The following STRIP1 variants were observed in gnomAD, a reference collection of about 807,000 sequenced individuals.
STRIP1 encodes the protein striatin-interacting protein 1.
STRIP1 carries 63 observed loss-of-function variants against 106.2 expected under a neutral mutation model. The observed-to-expected ratio is 0.59, with a 90% confidence interval of 0.48 to 0.73. STRIP1 has a LOEUF of 0.73. STRIP1 is among the 30% of genes least tolerant of loss of function. The pLI, the probability that STRIP1 is intolerant of heterozygous loss-of-function variation, is 0.00. For missense variants in STRIP1, 857 were observed against 1,074.8 expected, an observed-to-expected ratio of 0.80 and a Z score of 2.83; for synonymous variants, 390 against 413.0, an observed-to-expected ratio of 0.94 and a Z score of 0.67.
Position 110,044,830 on chromosome 1 carries a change from G to A in STRIP1, c.1287-10G>A. The A allele has an allele frequency of 1.2e-6, 2 of 1,612,732 alleles. No individual in the cohort carries two copies. The highest frequency in any genetic ancestry group is 1.1e-5 in the South Asian group (1 of 90,924). On this transcript the variant is annotated splice_polypyrimidine_tract_variant and intron_variant, in intron 10 of 20. Coordinates refer to ENST00000369795, the MANE Select transcript of STRIP1 (RefSeq NM_033088.4). ...CTTTTTTCTTTCTCTCTTTTTTGGTGATGTGGCAGAGAGAAAGACATTGAG... is the reference window on the plus strand; with the variant it reads ...CTTTTTTCTTTCTCTCTTTTTTGGTAATGTGGCAGAGAGAAAGACATTGAG...
upstream of STRIP1, chr1:110,034,526 A>G (rs1386012916): frequency 5.3e-6 from 7 of 1,317,552 alleles, no homozygotes; most frequent in Non-Finnish European, 2.0e-6. Context: ...GGCTTCTAAC[A>G]CTGGCCGCCA....
intron 12 of STRIP1, chr1:110,045,281 C>G (rs913954441): frequency 3.5e-6 from 2 of 563,594 alleles, no homozygotes; most frequent in African/African-American, 3.8e-5. Context: ...TTTAGCTGAG[C>G]TTTTGTTTGG....
At chr1:110,047,492 A>G (rs760171545) in intron 13 of STRIP1, 50 bp from the exon 14 acceptor site, 2 of 1,479,898 alleles carry the variant, frequency 1.4e-6, no homozygotes, top group South Asian at 1.2e-5. Context: ...CTGGCTCAGG[A>G]GATTGTATTC....
chr1:110,047,213 C>G (rs2101780147), intron 13 of STRIP1, among the ~76,000 whole-genome samples: 1 of 152,328 alleles, frequency 6.6e-6, no homozygotes, highest in Admixed American at 6.5e-5. Context: ...GTTAAGAATA[C>G]AGACTGAGTC....
At chr1:110,036,234 C>T (rs977491082) in intron 1 of STRIP1, among the ~76,000 whole-genome samples, 1 of 152,206 alleles carries the variant, frequency 6.6e-6, no homozygotes, top group Non-Finnish European at 1.5e-5. Context: ...GGGCGGATCA[C>T]CTGAGGTCAG....
intron 15 of STRIP1, 30 bp from the exon 16 acceptor site, chr1:110,049,082 G>T (rs188739686): frequency 1.2e-6 from 2 of 1,613,940 alleles, no homozygotes; most frequent in East Asian, 2.2e-5. Context: ...TGCGCATGCT[G>T]GTGGCTTACC....
chr1:110,036,102 A>G lies in STRIP1; in HGVS notation c.180+1285A>G, dbSNP rs1186529319. On this transcript the variant is annotated intron_variant, in intron 1 of 20. Transcript: ENST00000369795. ...TGGTTTAAAATTTTCCAGAGTAGCT[A>G]CGAATGGTCAAATAGATACCCTCTG... Among the ~76,000 whole-genome samples, 6 of 152,352 alleles carry G rather than the reference A, an allele frequency of 3.9e-5. No individual in the cohort carries two copies. The East Asian group carries it at 1.2e-3, about 29-fold the overall frequency.
Position 110,034,721 on chromosome 1 carries a change from C to A in STRIP1, c.84C>A (p.Ala28=). The A allele has an allele frequency of 6.6e-7, 1 of 1,507,154 alleles. No homozygotes were observed. Among genetic ancestry groups the A allele is most frequent in the Non-Finnish European group, 8.8e-7 (1 of 1,130,282 alleles). 93.4% of individuals were successfully genotyped at this position (1,507,154 alleles called of 1,614,324 possible). A position where few individuals can be genotyped will look rare whatever the true frequency, so the allele number is the denominator to read the frequency against. The change falls in exon 1 of 21, where the codon GCC becomes GCA. Residue 28 remains alanine, a synonymous_variant. Coordinates refer to ENST00000369795, the MANE Select transcript of STRIP1 (RefSeq NM_033088.4). ...PQPPPPPPPA[A]AQPPPGAPRA... is the part of the protein sequence containing the mutation. The stretch of plus-strand genomic sequence containing the variant: ...CCCCGCCACCTCCGCCGCCGGCAGC[C>A]GCACAGCCACCACCCGGGGCACCGC...
At chr1:110,049,692 A>AAATGAG (rs1351242207) in intron 17 of STRIP1, 132 bp downstream of exon 17, 18 of 642,294 alleles carry the variant, frequency 2.8e-5, no homozygotes, top group Middle Eastern at 3.7e-4. Context: ...ACATAAAGAT[A>AAATGAG]AATGAGACAT....
chr1:110,043,623 C>G lies in STRIP1; in HGVS notation c.1069-16C>G, dbSNP rs370219565. The G allele has an allele frequency of 1.2e-6, 2 of 1,610,032 alleles. No homozygotes were observed. Among genetic ancestry groups the G allele is most frequent in the African/African-American group, 2.7e-5 (2 of 74,888 alleles). On this transcript the variant is annotated splice_polypyrimidine_tract_variant and intron_variant, in intron 9 of 20. Transcript: ENST00000369795. The stretch of plus-strand genomic sequence containing the variant: ...CCTCAGTTGGCTCTTGTCTCATCTC[C>G]CTTCCCTGGTTTCAGGCTCTGATAA...
chr1:110,044,796 G>C (rs1652937047), intron 10 of STRIP1, 44 bp from the exon 11 acceptor site: 1 of 1,598,910 alleles, frequency 6.3e-7, no homozygotes, highest in African/African-American at 1.3e-5. Context: ...AATAGCATTT[G>C]CTAAAAACCT....
chr1:110,041,457 T>C, intron 6 of STRIP1, 79 bp from the exon 7 acceptor site: 1 of 956,542 alleles, frequency 1.0e-6, no homozygotes. Context: ...CCCTGCTTTG[T>C]GTAAGCACTT....
intron 9 of STRIP1, among the ~76,000 whole-genome samples, 169 bp from the exon 10 acceptor site, chr1:110,043,470 C>T (rs935043522): frequency 2.6e-5 from 4 of 152,228 alleles, no homozygotes; most frequent in African/African-American, 9.6e-5. Context: ...TTTTGAGGGA[C>T]TGGAGCAAGA....
intron 4 of STRIP1, 39 bp downstream of exon 4, chr1:110,039,345 G>A: frequency 6.2e-7 from 1 of 1,613,930 alleles, no homozygotes; most frequent in Non-Finnish European, 8.5e-7. Context: ...TGGCACCTCT[G>A]CCCACTCAGA....
At chr1:110,038,111 T>TATATATATATATATATATATATATATAC (rs1412174294) in intron 2 of STRIP1, 151 bp downstream of exon 2, 1 of 148,304 alleles carries the variant, frequency 6.7e-6, no homozygotes, top group African/African-American at 2.9e-5. Context: ...TATATATATA[T>TATATATATATATATATATATATATATAC]ATGTATAAAA....
intron 2 of STRIP1, 107 bp downstream of exon 2, chr1:110,038,067 A>G: frequency 4.3e-6 from 1 of 232,174 alleles, no homozygotes; most frequent in Non-Finnish European, 7.7e-6. Context: ...CCCTAGTTCT[A>G]TCAAATATAT....
chr1:110,041,493 AC>A (rs140461087), intron 6 of STRIP1, 42 bp from the exon 7 acceptor site: 20 of 1,486,554 alleles, frequency 1.3e-5, no homozygotes, highest in South Asian at 1.1e-4. Flanking sequence ...TGCTCCTTTG[AC>A]CCCCCCATCC....
chr1:110,039,962 A>G (rs1186761159), intron 5 of STRIP1: 1 of 1,180,324 alleles, frequency 8.5e-7, no homozygotes. Flanking sequence ...ATCTAAGGAT[A>G]ACACCATCAA....
intron 19 of STRIP1, 118 bp downstream of exon 19, chr1:110,051,178 G>A (rs1369573295): frequency 1.7e-5 from 12 of 692,850 alleles, no homozygotes; most frequent in East Asian, 2.6e-5. Flanking sequence ...TGCTGTAGCC[G>A]TATCCTTGCA....
Sources: allele counts gnomAD v4.1 joint callset (sites outside exome capture counted in the v4.1 genomes callset), GRCh38; gene constraint gnomAD v4.1.1; transcripts MANE v1.5; gene names NCBI Gene and HGNC (gene_info 2026-07-23, HGNC 2026-07-21).